The following ZNF487 variants were observed in gnomAD, a reference collection of about 807,000 sequenced individuals.
The protein encoded by ZNF487 is KRAB domain only 1.
In ZNF487, 4 loss-of-function variants were observed where a neutral mutation model predicts 3.0. The observed-to-expected ratio is 1.35, with a 90% CI of 0.66 to 3.08. The LOEUF is 3.08. Among genes scored for constraint, ZNF487 ranks in the 30% most tolerant of loss-of-function variants. The probability of loss-of-function intolerance (pLI) is 0.01; values close to 1 mark genes in which losing one functional copy is unlikely to be tolerated. For synonymous variants in ZNF487, 55 were observed against 34.6 expected, an observed-to-expected ratio of 1.59 and a Z score of -2.06; for missense variants, 146 against 98.7, an observed-to-expected ratio of 1.48 and a Z score of -2.03.
At chr10:43,493,709 A>AATAT in the ZNF487 span, among the ~76,000 whole-genome samples, 12 of 43,656 alleles carry the variant, frequency 2.7e-4, no homozygotes, top group African/African-American at 9.6e-4. Context: ...AAAAAAAAAA[A>AATAT]ATATATATAT....
chr10:43,498,319 C>T, the ZNF487 span, among the ~76,000 whole-genome samples: 9 of 141,682 alleles, frequency 6.4e-5, no homozygotes, highest in African/African-American at 2.4e-4. Flanking sequence ...GTCTCTGTTG[C>T]CCAGGCTGGA....
the ZNF487 span, among the ~76,000 whole-genome samples, chr10:43,522,825 A>G: frequency 6.6e-6 from 1 of 152,232 alleles, no homozygotes; most frequent in African/African-American, 2.4e-5. Context: ...AGCAGGAGAT[A>G]AAAACCTACA....
the ZNF487 span, among the ~76,000 whole-genome samples, chr10:43,490,544 T>C: frequency 3.7e-5 from 5 of 133,830 alleles, no homozygotes; most frequent in South Asian, 1.4e-3. Flanking sequence ...AGTTTTGCTC[T>C]TGTTGCACGG....
chr10:43,495,811 C>A, the ZNF487 span, among the ~76,000 whole-genome samples: 2 of 152,106 alleles, frequency 1.3e-5, no homozygotes, highest in Non-Finnish European at 2.9e-5. Context: ...TTTTTTCCCA[C>A]AAATCAATAA....
the ZNF487 span, among the ~76,000 whole-genome samples, chr10:43,512,814 C>T: frequency 1.3e-5 from 2 of 152,138 alleles, no homozygotes; most frequent in African/African-American, 2.4e-5. Context: ...GAGTAACACA[C>T]CCAGATGAGG....
At chr10:43,441,034 ATTTTTTTTTTTTTTTTTTTT>A (rs763451709) in intron 1 of ZNF487, among the ~76,000 whole-genome samples, 10 of 44,550 alleles carry the variant, frequency 2.2e-4, no homozygotes, top group South Asian at 1.3e-3. Context: ...ACCTGGTTAA[ATTTTTTTTTTTTTTTTTTTT>A]TTTTTTTTTT....
intron 1 of ZNF487, among the ~76,000 whole-genome samples, chr10:43,471,015 G>A (rs72787457): frequency 0.043 from 6,511 of 151,990 alleles, 198 homozygotes; most frequent in Middle Eastern, 0.071. Context: ...GTAGAGACGG[G>A]GTTTCACCAT....
At chr10:43,450,968 A>G (rs1362266103) in intron 1 of ZNF487, among the ~76,000 whole-genome samples, 1 of 151,862 alleles carries the variant, frequency 6.6e-6, no homozygotes, top group Non-Finnish European at 1.5e-5. Flanking sequence ...ATTTTTTGAG[A>G]TGGAGTTTCG....
the ZNF487 span, among the ~76,000 whole-genome samples, chr10:43,492,886 T>C: frequency 6.6e-6 from 1 of 152,120 alleles, no homozygotes; most frequent in Admixed American, 6.6e-5. Flanking sequence ...TTAATAAAAA[T>C]CTCTAATAGA....
At chr10:43,468,203 A>G (rs1035890951) in intron 1 of ZNF487, among the ~76,000 whole-genome samples, 1 of 152,186 alleles carries the variant, frequency 6.6e-6, no homozygotes, top group Non-Finnish European at 1.5e-5. Flanking sequence ...GTTTCTTGTG[A>G]TGTAATCTAT....
At chr10:43,489,776 T>C in the ZNF487 span, among the ~76,000 whole-genome samples, 4 of 152,124 alleles carry the variant, frequency 2.6e-5, no homozygotes, top group Admixed American at 2.6e-4. Context: ...CTGAGAAAGG[T>C]ACATTGGAGC....
At chr10:43,490,840 AAT>A in the ZNF487 span, among the ~76,000 whole-genome samples, 19 of 149,916 alleles carry the variant, frequency 1.3e-4, no homozygotes, top group African/African-American at 2.5e-5. Flanking sequence ...ATGCTTGACT[AAT>A]TTTGTATTTT....
chr10:43,484,559 A>T (rs887302409), downstream of ZNF487, among the ~76,000 whole-genome samples: 8 of 152,156 alleles, frequency 5.3e-5, no homozygotes, highest in African/African-American at 1.9e-4. Context: ...GTGAGCCGAG[A>T]TCATGCCACT....
chr10:43,460,924 TC>T (rs1187159716), intron 1 of ZNF487, among the ~76,000 whole-genome samples: 1 of 152,134 alleles, frequency 6.6e-6, no homozygotes, highest in African/African-American at 2.4e-5. Flanking sequence ...ACTCCTGGCC[TC>T]AAGTGATCTA....
chr10:43,514,662 T>C, the ZNF487 span, among the ~76,000 whole-genome samples: 1 of 152,188 alleles, frequency 6.6e-6, no homozygotes, highest in Non-Finnish European at 1.5e-5. Flanking sequence ...CTTTGATGGT[T>C]GAGTGCTGCC....
intron 1 of ZNF487, among the ~76,000 whole-genome samples, chr10:43,475,141 G>T (rs1564426389): frequency 2.0e-5 from 3 of 152,124 alleles, no homozygotes; most frequent in Non-Finnish European, 4.4e-5. Context: ...AACACTTGTG[G>T]GGTTGGTTGG....
At chr10:43,516,477 G>T in the ZNF487 span, among the ~76,000 whole-genome samples, 1 of 152,216 alleles carries the variant, frequency 6.6e-6, no homozygotes, top group African/African-American at 2.4e-5. Flanking sequence ...ATGTGTATTT[G>T]TGTGTGTGTA....
chr10:43,482,484 G>A lies in ZNF487; in HGVS notation c.*562G>A, dbSNP rs772296725. 77 of 472,390 alleles carry A rather than the reference G, an allele frequency of 1.6e-4. 1 individual carries two copies. In the Middle Eastern group the frequency reaches 5.2e-3, roughly 32 times the overall value. The allele number at this position is 472,390 out of a possible 1,614,324, so 29.3% of individuals were successfully genotyped here. ...GCAGTACATCAAAGAACACACACGG[G>A]ACAAAACCTATGAATGTAATGAATG... is the stretch of plus-strand genomic sequence containing the variant. On this transcript the variant is annotated 3_prime_UTR_variant, in exon 4 of 4. Transcript: ENST00000437590.
intron 1 of ZNF487, among the ~76,000 whole-genome samples, chr10:43,465,968 T>C (rs1316566395): frequency 2.6e-5 from 4 of 152,182 alleles, no homozygotes; most frequent in Non-Finnish European, 4.4e-5. Context: ...GGGGGATCAC[T>C]CGCAGTTAGG....
Sources: allele counts gnomAD v4.1 joint callset (sites outside exome capture counted in the v4.1 genomes callset), GRCh38; gene constraint gnomAD v4.1.1; transcripts MANE v1.5; gene names NCBI Gene and HGNC (gene_info 2026-07-23, HGNC 2026-07-21).